IL1R1: variants seen among roughly 807,000 people sequenced by gnomAD.
IL1R1 encodes the protein interleukin-1 receptor type 1.
A neutral mutation model predicts 50.2 loss-of-function variants in IL1R1; 22 were observed. The observed-to-expected ratio is 0.44, with a 90% CI of 0.31 to 0.63. The LOEUF (loss-of-function observed/expected upper bound fraction) is 0.63. Ranked by LOEUF, IL1R1 falls within the 20% of genes least tolerant of loss-of-function variation. IL1R1 has a pLI of 0.07. For synonymous variants in IL1R1, 251 were observed against 236.7 expected (o/e 1.06, Z -0.55); for missense variants, 509 against 676.2 (o/e 0.75, Z 2.74).
At chr2:102,108,344 A>T (rs1680542106) in intron 1 of IL1R1, among the ~76,000 whole-genome samples, 1 of 152,144 alleles carries the variant, frequency 6.6e-6, no homozygotes, top group African/African-American at 2.4e-5. Flanking sequence ...TAGATTAAAA[A>T]GATTTCCATT....
At chr2:102,137,378 G>A (rs889148853) in intron 1 of IL1R1, among the ~76,000 whole-genome samples, 5 of 152,128 alleles carry the variant, frequency 3.3e-5, no homozygotes, top group African/African-American at 1.2e-4. Context: ...TTCTCATTTG[G>A]GGCCTGTCAT....
intron 3 of IL1R1, among the ~76,000 whole-genome samples, chr2:102,160,046 C>T (rs1218747178): frequency 2.0e-5 from 3 of 152,150 alleles, no homozygotes; most frequent in African/African-American, 7.2e-5. Flanking sequence ...GAGACCCCCA[C>T]TCCACCATAT....
intron 1 of IL1R1, among the ~76,000 whole-genome samples, chr2:102,145,608 G>A (rs1253710427): frequency 6.6e-6 from 1 of 152,180 alleles, no homozygotes; most frequent in African/African-American, 2.4e-5. Flanking sequence ...TAAAAGTAGG[G>A]TAAAAGGAAA....
intron 7 of IL1R1, among the ~76,000 whole-genome samples, chr2:102,169,965 T>C (rs1320428701): frequency 1.3e-5 from 2 of 152,212 alleles, no homozygotes; most frequent in African/African-American, 4.8e-5. Context: ...TCTAAGGTTT[T>C]CTTGCCTCTT....
chr2:102,166,726 G>C (rs577316515), intron 6 of IL1R1, among the ~76,000 whole-genome samples: 7 of 152,262 alleles, frequency 4.6e-5, no homozygotes, highest in Admixed American at 4.6e-4. Context: ...TGTTCATTCT[G>C]TGTTAGGTGT....
At chr2:102,115,513 T>C (rs914699184) in intron 1 of IL1R1, among the ~76,000 whole-genome samples, 3 of 152,310 alleles carry the variant, frequency 2.0e-5, no homozygotes, top group Admixed American at 2.0e-4. Context: ...TTTAAGCTTA[T>C]TAACTGAACA....
intron 9 of IL1R1, among the ~76,000 whole-genome samples, chr2:102,174,176 G>A (rs1685915233): frequency 6.6e-6 from 1 of 152,070 alleles, no homozygotes. Flanking sequence ...AGGAGAATGT[G>A]GAAATGTGAA....
Position 102,174,502 on chromosome 2 carries a change from C to T in IL1R1, c.992-85C>T, listed in dbSNP as rs182882544. On this transcript the variant is annotated intron_variant, in intron 9 of 11. Coordinates refer to ENST00000410023, the MANE Select transcript of IL1R1 (RefSeq NM_000877.4). ...ATTCCCAGATATGGGCTCTCTGAGACGAAGATATTTAATTTGCTGTGCTCA... is the reference window on the plus strand; with the variant it reads ...ATTCCCAGATATGGGCTCTCTGAGATGAAGATATTTAATTTGCTGTGCTCA... 5.2e-5 allele frequency: 53 copies of T among 1,016,198 alleles called. 2 individuals are homozygous for T. The highest frequency in any genetic ancestry group is 1.8e-4 in the South Asian group (10 of 55,058). The allele number at this position is 1,016,198 out of a possible 1,614,324, so 62.9% of individuals were successfully genotyped here. A position where few individuals can be genotyped will look rare whatever the true frequency, so the allele number is the denominator to read the frequency against.
chr2:102,176,425 C>T lies in IL1R1; in HGVS notation c.1376C>T (p.Ser459Leu), dbSNP rs751565362. Residue 459 changes from serine (S) to leucine (L), a missense_variant, in exon 12 of 12, where the codon TCA (serine) becomes TTA (leucine). Ser to Leu is a moderately radical substitution (Grantham distance 145, BLOSUM62 -2). Coordinates refer to ENST00000410023, the MANE Select transcript of IL1R1 (RefSeq NM_000877.4). The part of the protein sequence containing the change: ...RLIIILVRET[S>L]GFSWLGGSSE... Reference sequence around the variant, plus strand: ...ATTATCATTTTAGTCAGAGAAACATCAGGCTTCAGCTGGCTGGGTGGTTCA... The same window carrying T: ...ATTATCATTTTAGTCAGAGAAACATTAGGCTTCAGCTGGCTGGGTGGTTCA... 6.2e-7 allele frequency: 1 copy of T among 1,614,098 alleles called. No individual in the cohort carries two copies. The highest frequency in any genetic ancestry group is 1.1e-5 in the South Asian group (1 of 91,076).
chr2:102,101,447 G>A (rs1399437200), upstream of IL1R1, among the ~76,000 whole-genome samples: 5 of 152,130 alleles, frequency 3.3e-5, no homozygotes, highest in Admixed American at 6.5e-5. Flanking sequence ...GCATGTTGAG[G>A]GGGAGCCAAG....
intron 1 of IL1R1, among the ~76,000 whole-genome samples, chr2:102,098,586 A>G (rs905730467): frequency 1.3e-5 from 2 of 152,162 alleles, no homozygotes; most frequent in Admixed American, 6.5e-5. Context: ...TCAAATCCCT[A>G]TTTAATTGCA....
chr2:102,090,699 C>A (rs563446777), intron 1 of IL1R1, among the ~76,000 whole-genome samples: 2 of 151,892 alleles, frequency 1.3e-5, no homozygotes, highest in African/African-American at 4.8e-5. Context: ...ATCCTTTTAC[C>A]TGTTTAGTTC....
rs1686093123 is a variant in IL1R1 at position 102,175,931 on chromosome 2, A to G, written c.1303+286A>G. The G allele has an allele frequency of 1.7e-5, 9 of 521,670 alleles. No individual in the cohort carries two copies. In the South Asian group the frequency reaches 2.5e-4, roughly 14 times the overall value. 32.3% of individuals were successfully genotyped at this position (521,670 alleles called of 1,614,324 possible). On this transcript the variant is annotated intron_variant, in intron 11 of 11. Coordinates refer to ENST00000410023, the MANE Select transcript of IL1R1 (RefSeq NM_000877.4). ...ATACAATTAAACAGGAGTGGTAGAG[A>G]TCAAATGATTGAATAATAAGTTTTT...
In IL1R1 at chr2:102,176,799, C is replaced by T; in HGVS notation, c.*40C>T. On this transcript the variant is annotated 3_prime_UTR_variant, in exon 12 of 12. Coordinates refer to ENST00000410023, the MANE Select transcript of IL1R1 (RefSeq NM_000877.4). ...CAAGAGTTCTTTAGGTGCCTCCTGT[C>T]TTATGGCGTTGCAGGCCAGGTTATG... The T allele has an allele frequency of 6.3e-7, 1 of 1,590,014 alleles. No homozygotes were observed. The highest frequency in any genetic ancestry group is 1.1e-5 in the South Asian group (1 of 88,722).
intron 1 of IL1R1, among the ~76,000 whole-genome samples, chr2:102,152,504 CAAA>C (rs70946674): frequency 4.4e-3 from 130 of 29,676 alleles, no homozygotes; most frequent in African/African-American, 0.017. Flanking sequence ...GACTCCGTCT[CAAA>C]AAAAAAAAAA....
chr2:102,176,379 G>A lies in IL1R1; in HGVS notation c.1330G>A (p.Val444Ile), dbSNP rs142706469. ...CATTGTTGAGGTCATTAATGAAAAC[G>A]TAAAGAAAAGCAGAAGACTGATTAT... ...EDIVEVINEN[V>I]KKSRRLIIIL... The change falls in exon 12 of 12, where the codon GTA becomes ATA. Residue 444 changes from valine (V) to isoleucine (I), a missense_variant. By Grantham distance (29) the Val-to-Ile change is conservative. Transcript: ENST00000410023. 213 of 1,613,808 alleles carry A rather than the reference G, an allele frequency of 1.3e-4. No homozygotes were observed. The highest frequency in any genetic ancestry group is 1.7e-4 in the Non-Finnish European group (195 of 1,179,950).
intron 1 of IL1R1, among the ~76,000 whole-genome samples, chr2:102,109,599 A>G (rs11679856): frequency 0.28 from 42,469 of 152,012 alleles, 6,838 homozygotes; most frequent in African/African-American, 0.45. Flanking sequence ...TGGAAAACTC[A>G]GCCACAACAA....
chr2:102,170,903 A>G (rs189191791), intron 7 of IL1R1, among the ~76,000 whole-genome samples: 2 of 152,170 alleles, frequency 1.3e-5, no homozygotes, highest in South Asian at 4.1e-4. Flanking sequence ...TCTACTAAAA[A>G]TACAAAAATT....
intron 1 of IL1R1, among the ~76,000 whole-genome samples, chr2:102,147,938 G>A (rs1683302204): frequency 6.6e-6 from 1 of 152,190 alleles, no homozygotes; most frequent in African/African-American, 2.4e-5. Flanking sequence ...GGGTAAATAA[G>A]CCATTGATAA....
Sources: allele counts gnomAD v4.1 joint callset (sites outside exome capture counted in the v4.1 genomes callset), GRCh38; gene constraint gnomAD v4.1.1; transcripts MANE v1.5; gene names NCBI Gene and HGNC (gene_info 2026-07-23, HGNC 2026-07-21).